The following KDM2B variants were observed in gnomAD, a reference collection of about 807,000 sequenced individuals.
KDM2B encodes lysine-specific demethylase 2B.
KDM2B carries 26 observed loss-of-function variants against 150.0 expected under a neutral mutation model. The ratio of observed to expected loss-of-function variants is 0.17; its 90% CI spans 0.13 to 0.24. KDM2B has a LOEUF of 0.24. Ranked by LOEUF, KDM2B falls within the 10% of genes least tolerant of loss-of-function variation. The pLI, the probability that KDM2B is intolerant of heterozygous loss-of-function variation, is 1.00. For missense variants in KDM2B, 1,265 were observed against 1,816.9 expected, an observed-to-expected ratio of 0.70 and a Z score of 5.52; for synonymous variants, 734 against 729.5, an observed-to-expected ratio of 1.01 and a Z score of -0.10.
chr12:121,542,661 A>C (rs1192613760), intron 6 of KDM2B, among the ~76,000 whole-genome samples: 4 of 152,236 alleles, frequency 2.6e-5, no homozygotes, highest in African/African-American at 9.6e-5. Flanking sequence ...GTTATAAGGA[A>C]TTTTCTAAGA....
chr12:121,556,202 G>A (rs1254336734), intron 4 of KDM2B, among the ~76,000 whole-genome samples: 1 of 152,100 alleles, frequency 6.6e-6, no homozygotes, highest in Non-Finnish European at 1.5e-5. Flanking sequence ...TGGGATTACA[G>A]GGGTGAGCCA....
intron 21 of KDM2B, 192 bp downstream of exon 21, chr12:121,440,624 G>A (rs1471207084): frequency 1.4e-5 from 8 of 570,586 alleles, no homozygotes; most frequent in Admixed American, 3.4e-5. Flanking sequence ...CCCCAGGAGC[G>A]AGTCTCACGT....
At chr12:121,532,497 G>A (rs1555307985) in intron 8 of KDM2B, among the ~76,000 whole-genome samples, 1 of 152,152 alleles carries the variant, frequency 6.6e-6, no homozygotes, top group Non-Finnish European at 1.5e-5. Flanking sequence ...CCTGCCTCAG[G>A]GCAAACCCAC....
At chr12:121,461,341 T>C (rs1167239160) in intron 12 of KDM2B, among the ~76,000 whole-genome samples, 1 of 151,948 alleles carries the variant, frequency 6.6e-6, no homozygotes, top group African/African-American at 2.4e-5. Context: ...TCTACCACAG[T>C]AGGGAACTGG....
the KDM2B span, among the ~76,000 whole-genome samples, chr12:121,412,657 A>ATGT: frequency 1.3e-5 from 2 of 150,396 alleles, no homozygotes; most frequent in African/African-American, 4.9e-5. Context: ...GAGATTACAG[A>ATGT]TGTGAGCCAT....
At chr12:121,414,829 C>T in the KDM2B span, among the ~76,000 whole-genome samples, 2 of 152,190 alleles carry the variant, frequency 1.3e-5, no homozygotes, top group Non-Finnish European at 2.9e-5. Flanking sequence ...CACGGTGGCT[C>T]ATGCCTGTAA....
chr12:121,539,815 C>G (rs1393524984), intron 6 of KDM2B, among the ~76,000 whole-genome samples: 3 of 152,262 alleles, frequency 2.0e-5, no homozygotes, highest in Middle Eastern at 3.4e-3. Flanking sequence ...TCTCAGCGCA[C>G]TGCAACCTCC....
chr12:121,445,208 C>G (rs1875936598), intron 14 of KDM2B, 67 bp downstream of exon 14: 10 of 1,561,298 alleles, frequency 6.4e-6, no homozygotes, highest in Middle Eastern at 3.4e-4. Context: ...CACCATCTCA[C>G]CAGCATCTCC....
intron 1 of KDM2B, chr12:121,580,261 G>GA: frequency 8.2e-7 from 1 of 1,223,060 alleles, no homozygotes; most frequent in South Asian, 2.8e-5. Context: ...GTGGGGGGGG[G>GA]GAGGCGTCGA....
At chr12:121,440,759 C>T in intron 21 of KDM2B, 57 bp downstream of exon 21, 2 of 1,488,674 alleles carry the variant, frequency 1.3e-6, no homozygotes, top group Non-Finnish European at 1.8e-6. Context: ...AAAAGCAGAT[C>T]CAACAGTCTA....
At chr12:121,466,699 G>C (rs1221280220) in intron 12 of KDM2B, among the ~76,000 whole-genome samples, 2 of 150,600 alleles carry the variant, frequency 1.3e-5, no homozygotes, top group Admixed American at 1.3e-4. Context: ...GAAGCCGAGG[G>C]TCCTGGCACA....
Position 121,574,429 on chromosome 12 carries a change from C to G in KDM2B, c.397+118G>C, listed in dbSNP as rs1891348551. 17 of 905,210 alleles carry G rather than the reference C, an allele frequency of 1.9e-5. No homozygotes were observed. In the South Asian group the frequency reaches 2.5e-4, roughly 13 times the overall value. 56.1% of individuals were successfully genotyped at this position (905,210 alleles called of 1,614,324 possible). A position where few individuals can be genotyped will look rare whatever the true frequency, so the allele number is the denominator to read the frequency against. ...TGCAGCTCACACCTGCTCCTGCCTT[C>G]TCCCGTGGGGACTTTGTTTTGAGAG... On this transcript the variant is annotated intron_variant, in intron 4 of 22. Coordinates refer to ENST00000377071, the MANE Select transcript of KDM2B (RefSeq NM_032590.5).
Position 121,442,552 on chromosome 12 carries a change from G to A in KDM2B, c.2889C>T (p.Asn963=). 6.2e-7 allele frequency: 1 copy of A among 1,600,178 alleles called. No homozygotes were observed. Among genetic ancestry groups the A allele is most frequent in the Non-Finnish European group, 8.5e-7 (1 of 1,179,886 alleles). The part of the protein sequence containing the change: ...ELNHEIQRTE[N]SLANENQQPI... The stretch of plus-strand genomic sequence containing the variant: ...GCTGCTGGTTCTCGTTGGCCAGGCT[G>A]TTCTCCGTCCTCTGGATCTCGTGGT... Residue 963 remains asparagine, a synonymous_variant, in exon 19 of 23, where the codon AAC becomes AAT. Coordinates refer to ENST00000377071, the MANE Select transcript of KDM2B (RefSeq NM_032590.5). This position sits in a 1 kb window ranked among gnomAD's most constrained non-coding sequence, Gnocchi z 7.7.
At chr12:121,530,838 C>T (rs1489750632) in intron 8 of KDM2B, among the ~76,000 whole-genome samples, 1 of 152,078 alleles carries the variant, frequency 6.6e-6, no homozygotes, top group Non-Finnish European at 1.5e-5. Flanking sequence ...GAGCCACCTC[C>T]CAGCTCTGCA....
chr12:121,549,925 C>T lies in KDM2B; in HGVS notation c.398-287G>A, dbSNP rs1445045137. On this transcript the variant is annotated intron_variant, in intron 4 of 22. Coordinates refer to ENST00000377071, the MANE Select transcript of KDM2B (RefSeq NM_032590.5). The surrounding 1 kb of genome is among the most constrained non-coding windows in gnomAD (Gnocchi z 4.4). Reference sequence around the variant, plus strand: ...GCATGGTGGCTTAAGGCTGTAATCCCAGCACTTTGGGAGGCCGAGGTGGAG... The same window carrying T: ...GCATGGTGGCTTAAGGCTGTAATCCTAGCACTTTGGGAGGCCGAGGTGGAG... Among the ~76,000 whole-genome samples, 1 of 152,204 alleles carries T rather than the reference C, an allele frequency of 6.6e-6. No homozygotes were observed. The highest frequency in any genetic ancestry group is 2.4e-5 in the African/African-American group (1 of 41,442).
intron 8 of KDM2B, among the ~76,000 whole-genome samples, chr12:121,524,464 G>T (rs1228370796): frequency 6.6e-6 from 1 of 152,160 alleles, no homozygotes; most frequent in East Asian, 1.9e-4. Context: ...GGGGGCAGGG[G>T]ATCTGCACGC....
At chr12:121,450,597 C>T (rs1271904269) in intron 13 of KDM2B, among the ~76,000 whole-genome samples, 3 of 151,742 alleles carry the variant, frequency 2.0e-5, no homozygotes, top group East Asian at 2.0e-4. Context: ...CGGTGGCTCA[C>T]GCCTGTAATC....
chr12:121,525,266 G>C (rs1011457550), intron 8 of KDM2B, among the ~76,000 whole-genome samples: 2 of 152,090 alleles, frequency 1.3e-5, no homozygotes, highest in Admixed American at 1.3e-4. Context: ...TTGTTGTTTT[G>C]TTGGGTTTTT....
At chr12:121,433,915 C>T (rs1227876805) in intron 22 of KDM2B, among the ~76,000 whole-genome samples, 1 of 152,112 alleles carries the variant, frequency 6.6e-6, no homozygotes, top group African/African-American at 2.4e-5. Context: ...CGCGACTGCT[C>T]ATGCCTGTAA....
Sources: allele counts gnomAD v4.1 joint callset (sites outside exome capture counted in the v4.1 genomes callset), GRCh38; gene constraint gnomAD v4.1.1; non-coding constraint Gnocchi (gnomAD v3.1); transcripts MANE v1.5; gene names NCBI Gene and HGNC (gene_info 2026-07-23, HGNC 2026-07-21).